CDH12: variants seen among roughly 807,000 people sequenced by gnomAD.
CDH12 encodes the protein cadherin 12.
Under a neutral mutation model 74.1 loss-of-function variants are expected in CDH12, and 41 were observed. The observed-to-expected ratio is 0.55, with a 90% CI of 0.43 to 0.72. The LOEUF (loss-of-function observed/expected upper bound fraction) is 0.72, where lower values mean the gene tolerates loss of function less well. Among genes scored for constraint, CDH12 ranks in the 30% least tolerant of loss-of-function variants. The probability of loss-of-function intolerance (pLI) is 0.00; values close to 1 mark genes in which losing one functional copy is unlikely to be tolerated. For synonymous variants in CDH12, 399 were observed against 355.0 expected, an observed-to-expected ratio of 1.12 and a Z score of -1.39; for missense variants, 945 against 977.2, an observed-to-expected ratio of 0.97 and a Z score of 0.44.
intron 6 of CDH12, among the ~76,000 whole-genome samples, chr5:21,874,478 G>A (rs1751822966): frequency 1.3e-5 from 2 of 152,096 alleles, no homozygotes; most frequent in Admixed American, 6.5e-5. Context: ...AAAAACAGGA[G>A]GTAAAGAAAT....
intron 4 of CDH12, among the ~76,000 whole-genome samples, chr5:22,146,434 T>C (rs1047567962): frequency 2.0e-5 from 3 of 152,132 alleles, no homozygotes; most frequent in Admixed American, 1.3e-4. Context: ...ACTGAATAAA[T>C]AACAAAGTTG....
At chr5:22,225,025 T>C (rs1165073330) in intron 3 of CDH12, among the ~76,000 whole-genome samples, 1 of 152,024 alleles carries the variant, frequency 6.6e-6, no homozygotes, top group Non-Finnish European at 1.5e-5. Context: ...TTTATATTTA[T>C]TTTTTTCTCC....
chr5:22,544,067 T>C (rs375545227), intron 1 of CDH12, among the ~76,000 whole-genome samples: 2 of 152,202 alleles, frequency 1.3e-5, no homozygotes, highest in Admixed American at 6.5e-5. Context: ...GGAACAAAAA[T>C]GGGTTCATTT....
chr5:22,698,964 A>G (rs1742571190), intron 1 of CDH12, among the ~76,000 whole-genome samples: 1 of 151,830 alleles, frequency 6.6e-6, no homozygotes, highest in East Asian at 1.9e-4. Flanking sequence ...TCTTATCAAG[A>G]CAGAAAAATT....
intron 1 of CDH12, among the ~76,000 whole-genome samples, chr5:22,818,808 T>C: frequency 6.6e-6 from 1 of 152,122 alleles, no homozygotes; most frequent in East Asian, 1.9e-4. Flanking sequence ...GAAAAGGAAA[T>C]CCATTGGTTG....
At chr5:22,412,833 C>G (rs1194646924) in intron 2 of CDH12, among the ~76,000 whole-genome samples, 1 of 151,960 alleles carries the variant, frequency 6.6e-6, no homozygotes, top group Non-Finnish European at 1.5e-5. Context: ...TACCTCTATT[C>G]TTTCCTCTGC....
At chr5:21,857,827 C>T (rs7379407) in intron 6 of CDH12, among the ~76,000 whole-genome samples, 97,004 of 151,650 alleles carry the variant, frequency 0.64, 34,946 homozygotes, top group East Asian at 0.79. Flanking sequence ...TAGAAATCTA[C>T]GTTCTCACAA....
chr5:22,618,274 A>C (rs963986564), intron 1 of CDH12, among the ~76,000 whole-genome samples: 26 of 152,138 alleles, frequency 1.7e-4, no homozygotes, highest in African/African-American at 5.8e-4. Flanking sequence ...ACAAGTTGAG[A>C]ATTGCTACAT....
At chr5:22,455,451 T>C (rs1261255) in intron 2 of CDH12, among the ~76,000 whole-genome samples, 74,283 of 151,964 alleles carry the variant, frequency 0.49, 18,561 homozygotes, top group Admixed American at 0.65. Context: ...TATTCTCAGA[T>C]CCAATACCAG....
intron 1 of CDH12, among the ~76,000 whole-genome samples, chr5:22,819,226 A>C (rs1028012938): frequency 6.6e-6 from 1 of 152,168 alleles, no homozygotes; most frequent in Admixed American, 6.6e-5. Context: ...CTAAAGGAAC[A>C]GGTGACAAAG....
intron 1 of CDH12, among the ~76,000 whole-genome samples, chr5:22,659,259 G>A (rs999141669): frequency 2.0e-5 from 3 of 152,076 alleles, no homozygotes; most frequent in Non-Finnish European, 4.4e-5. Context: ...TTGGGAATGT[G>A]ATTTTGTACC....
intron 1 of CDH12, among the ~76,000 whole-genome samples, chr5:22,751,732 G>C (rs1175600405): frequency 6.6e-6 from 1 of 152,138 alleles, no homozygotes; most frequent in Non-Finnish European, 1.5e-5. Flanking sequence ...TATGTTGCCA[G>C]CTAGCAAAAC....
intron 1 of CDH12, among the ~76,000 whole-genome samples, chr5:22,782,787 T>G (rs73070106): frequency 6.6e-6 from 1 of 152,138 alleles, no homozygotes; most frequent in Admixed American, 6.6e-5. Context: ...GTGGAAACCA[T>G]GCACAGGATT....
intron 1 of CDH12, among the ~76,000 whole-genome samples, chr5:22,718,756 G>A (rs1011251292): frequency 6.6e-6 from 1 of 152,128 alleles, no homozygotes; most frequent in African/African-American, 2.4e-5. Flanking sequence ...GGATCAAACT[G>A]CAGTAAGAAC....
chr5:21,990,540 C>T (rs376202492), intron 5 of CDH12, among the ~76,000 whole-genome samples: 1,984 of 151,936 alleles, frequency 0.013, 13 homozygotes, highest in African/African-American at 0.023. Flanking sequence ...TCCTTCATTT[C>T]TCTCCCTTCA....
rs1190212610 is a variant in CDH12, at chr5:22,853,128, T to G, written c.-593A>C. On this transcript the variant is annotated 5_prime_UTR_variant, in exon 1 of 15. Coordinates refer to ENST00000382254, the MANE Select transcript of CDH12 (RefSeq NM_004061.5). Reference sequence around the variant, plus strand: ...GCAGCAGGGTGCCAACAGCTCAGCCTTGCGCGGAAGGTGAGACCCTTCTCT... The same window carrying G: ...GCAGCAGGGTGCCAACAGCTCAGCCGTGCGCGGAAGGTGAGACCCTTCTCT... 6.6e-6 allele frequency: 1 copy of G among 152,346 alleles called. No individual in the cohort carries two copies. Among genetic ancestry groups the G allele is most frequent in the Non-Finnish European group, 1.5e-5 (1 of 68,132 alleles). 9.4% of individuals were successfully genotyped at this position (152,346 alleles called of 1,614,324 possible).
intron 3 of CDH12, among the ~76,000 whole-genome samples, chr5:22,289,794 GA>G (rs1421890963): frequency 6.6e-6 from 1 of 152,098 alleles, no homozygotes; most frequent in Non-Finnish European, 1.5e-5. Context: ...CTTTGCCTTT[GA>G]AAACTCAGCA....
At position 22,498,040 on chromosome 5, in the gene CDH12, G is replaced by A. The variant is rs150973946; in HGVS notation, c.-428+7230C>T. Among the ~76,000 whole-genome samples the A allele has an allele frequency of 6.2e-3, 946 of 152,134 alleles. 9 individuals are homozygous for A. The highest frequency in any genetic ancestry group is 0.022 in the African/African-American group (915 of 41,496). Reference sequence around the variant, plus strand: ...GTTTTTGAATAGCTCTTACCTTAGCGACTTGAAATTTGTGATTTAATTTGG... The same window carrying A: ...GTTTTTGAATAGCTCTTACCTTAGCAACTTGAAATTTGTGATTTAATTTGG... On this transcript the variant is annotated intron_variant, in intron 2 of 14. Transcript: ENST00000382254.
intron 5 of CDH12, among the ~76,000 whole-genome samples, chr5:22,031,114 C>T (rs2150173012): frequency 6.6e-6 from 1 of 152,216 alleles, no homozygotes; most frequent in Non-Finnish European, 1.5e-5. Flanking sequence ...GCGGGTGGAT[C>T]ACAAGCTCAG....
Sources: gnomAD v4.1 joint callset for allele counts (sites outside exome capture counted in the v4.1 genomes callset) on GRCh38, gnomAD v4.1.1 for gene constraint, MANE v1.5 for transcripts, NCBI Gene and HGNC (gene_info 2026-07-23, HGNC 2026-07-21) for gene names.